TM4SF1: variants seen among roughly 807,000 people sequenced by gnomAD.
The protein encoded by TM4SF1 is transmembrane 4 L six family member 1.
In TM4SF1, 20 loss-of-function variants were observed where a neutral mutation model predicts 24.5. That is an observed-to-expected ratio of 0.82 (90% confidence interval 0.57 to 1.19). The LOEUF (loss-of-function observed/expected upper bound fraction) is 1.19. Among genes scored for constraint, TM4SF1 ranks in the 50% most tolerant of loss-of-function variants. TM4SF1 has a pLI of 0.00. For missense variants in TM4SF1, 258 were observed against 248.1 expected (o/e 1.04, Z -0.27); for synonymous variants, 107 against 95.4 (o/e 1.12, Z -0.71).
rs1401251481 is a variant in TM4SF1, at chr3:149,375,333, C to A, written c.413+110G>T. 5.0e-6 allele frequency: 7 copies of A among 1,388,920 alleles called. No individual in the cohort carries two copies. The African/African-American group carries it at 8.5e-5, about 17-fold the overall frequency. 86.0% of individuals were successfully genotyped at this position (1,388,920 alleles called of 1,614,324 possible). ...CTGAGTCAGTGAGAATAAACACTGG[C>A]TAGGTGGGTGGATGGATGGATAAGT... On this transcript the variant is annotated intron_variant, in intron 3 of 4. Transcript: ENST00000305366.
chr3:149,370,864 T>C (rs1040047261), intron 4 of TM4SF1: 2 of 152,102 alleles, frequency 1.3e-5, no homozygotes, highest in Non-Finnish European at 2.9e-5. Flanking sequence ...GAGTAAATGG[T>C]TTGAAAAATA....
At chr3:149,370,937 A>G (rs1021989648) in intron 4 of TM4SF1, 14 of 152,186 alleles carry the variant, frequency 9.2e-5, no homozygotes, top group African/African-American at 2.9e-4. Context: ...ATTCAATAAT[A>G]TATATATTTT....
At position 149,375,693 on chromosome 3, in the gene TM4SF1, CCA is replaced by C. The variant is rs1443968832; in HGVS notation, c.252_253del (p.Cys84TrpfsTer39). On this transcript the variant is annotated frameshift_variant, in exon 2 of 5. Transcript: ENST00000305366. LOFTEE classifies it high-confidence loss of function. Reference sequence around the variant, plus strand: ...AGGAGGACCTACCGCACATCGTTTGCCACAGTTTTCATGGCCACAGCAGCCAC... The same window carrying C: ...AGGAGGACCTACCGCACATCGTTTGCCAGTTTTCATGGCCACAGCAGCCAC... 2 of 1,614,208 alleles carry C rather than the reference CCA, an allele frequency of 1.2e-6. No homozygotes were observed.
rs989438148 is a variant in TM4SF1, at chr3:149,377,220, G to A, written c.177+151C>T. On this transcript the variant is annotated intron_variant, in intron 1 of 4. Transcript: ENST00000305366. The stretch of plus-strand genomic sequence containing the variant: ...TACTACGCTATACTGTACCAATCTC[G>A]CTTTTGTATAATCTGCTTTCAAAGG... The A allele has an allele frequency of 8.9e-6, 9 of 1,013,040 alleles. 1 individual carries two copies. Among genetic ancestry groups the A allele is most frequent in the South Asian group, 3.5e-5 (2 of 57,088 alleles). The allele number at this position is 1,013,040 out of a possible 1,614,324, so 62.8% of individuals were successfully genotyped here.
chr3:149,377,330 G>A, intron 1 of TM4SF1, 41 bp downstream of exon 1: 1 of 1,568,308 alleles, frequency 6.4e-7, no homozygotes, highest in South Asian at 1.2e-5. Context: ...AAAACATCTA[G>A]GAAACAGGAG....
chr3:149,374,620 G>C (rs983122638), intron 3 of TM4SF1, among the ~76,000 whole-genome samples: 3 of 152,050 alleles, frequency 2.0e-5, no homozygotes, highest in Non-Finnish European at 2.9e-5. Context: ...AAATTATCCT[G>C]ATATTATGAT....
In TM4SF1 at chr3:149,373,647, G is replaced by A. The variant is rs73867310; in HGVS notation, c.414-1780C>T. On this transcript the variant is annotated intron_variant, in intron 3 of 4. Coordinates refer to ENST00000305366, the MANE Select transcript of TM4SF1 (RefSeq NM_014220.3). ...AAAATCTATATTTTCAGGTCTCAAT[G>A]TAAAAAAAAATTTTTGGCTCCACCT... Among the ~76,000 whole-genome samples the A allele has an allele frequency of 3.0e-3, 462 of 152,244 alleles. 3 individuals carry two copies. Among genetic ancestry groups the A allele is most frequent in the African/African-American group, 0.01 (434 of 41,538 alleles).
Position 149,372,313 on chromosome 3 carries a change from CTG to C in TM4SF1, c.414-448_414-447del, listed in dbSNP as rs1226303757. ...GAGTATGTGTAGGTGTTTTTTAAAA[CTG>C]TTTTCCAATTTTATTGTTGTTATTG... On this transcript the variant is annotated intron_variant, in intron 3 of 4. Transcript: ENST00000305366. Among the ~76,000 whole-genome samples, 3 of 152,066 alleles carry C rather than the reference CTG, an allele frequency of 2.0e-5. No homozygotes were observed. The East Asian group carries it at 5.8e-4, about 29-fold the overall frequency.
chr3:149,373,295 G>A (rs1457071752), intron 3 of TM4SF1, among the ~76,000 whole-genome samples: 1 of 152,194 alleles, frequency 6.6e-6, no homozygotes, highest in Admixed American at 6.5e-5. Flanking sequence ...GGATTTAGTC[G>A]ATTTTATAAA....
rs572146914 is a variant in TM4SF1 at position 149,377,229 on chromosome 3, T to C, written c.177+142A>G. On this transcript the variant is annotated intron_variant, in intron 1 of 4. Coordinates refer to ENST00000305366, the MANE Select transcript of TM4SF1 (RefSeq NM_014220.3). ...ATACTGTACCAATCTCGCTTTTGTA[T>C]AATCTGCTTTCAAAGGAATGAACAG... is the stretch of plus-strand genomic sequence containing the variant. The C allele has an allele frequency of 2.8e-6, 3 of 1,077,740 alleles. No individual in the cohort carries two copies. The East Asian group carries it at 7.8e-5, about 28-fold the overall frequency. The allele number at this position is 1,077,740 out of a possible 1,614,324, so 66.8% of individuals were successfully genotyped here.
In TM4SF1 at chr3:149,375,731, C is replaced by T. The variant is rs1433546713; in HGVS notation, c.216G>A (p.Gln72=). 1 of 1,614,184 alleles carries T rather than the reference C, an allele frequency of 6.2e-7. No individual in the cohort carries two copies. Among genetic ancestry groups the T allele is most frequent in the East Asian group, 2.2e-5 (1 of 44,888 alleles). ...GGCCACAGCAGCCACAGCAGTCATC[C>T]TGTTCCAGCCCAATGAAGACAAATG... is the stretch of plus-strand genomic sequence containing the variant. ...LPAFVFIGLE[Q]DDCCGCCGHE... The change falls in exon 2 of 5, where the codon CAG becomes CAA. Residue 72 remains glutamine (Q), a synonymous_variant. Transcript: ENST00000305366.
rs1054197336 is a variant in TM4SF1 at position 149,369,779 on chromosome 3, T to A, written c.*87A>T. On this transcript the variant is annotated 3_prime_UTR_variant, in exon 5 of 5. Coordinates refer to ENST00000305366, the MANE Select transcript of TM4SF1 (RefSeq NM_014220.3). The stretch of plus-strand genomic sequence containing the variant: ...GACTGTGGGGAGTATGTTACACTAA[T>A]ACAAAGTTTTACAAATGAATACAAG... 12 of 1,564,708 alleles carry A rather than the reference T, an allele frequency of 7.7e-6. No homozygotes were observed. Among genetic ancestry groups the A allele is most frequent in the African/African-American group, 1.4e-5 (1 of 73,228 alleles).
At chr3:149,375,796 T>C (rs1386234396) in intron 1 of TM4SF1, 27 bp from the exon 2 acceptor site, 1 of 1,611,678 alleles carries the variant, frequency 6.2e-7, no homozygotes, top group South Asian at 1.1e-5. Context: ...CAAAGTCAGG[T>C]CATTGTCTTG....
intron 4 of TM4SF1, 185 bp from the exon 5 acceptor site, chr3:149,370,065 T>C (rs1215389836): frequency 3.3e-6 from 2 of 611,268 alleles, no homozygotes; most frequent in Non-Finnish European, 5.3e-6. Flanking sequence ...CCCAGATCCC[T>C]TGTCTTCCAT....
At chr3:149,373,201 C>G (rs1462282941) in intron 3 of TM4SF1, among the ~76,000 whole-genome samples, 1 of 152,160 alleles carries the variant, frequency 6.6e-6, no homozygotes, top group African/African-American at 2.4e-5. Context: ...ATTTTAAAAG[C>G]AGTTGAATGA....
chr3:149,375,714 C>T lies in TM4SF1; in HGVS notation c.233G>A (p.Cys78Tyr), dbSNP rs1731934520. Residue 78 changes from cysteine to tyrosine, a missense_variant, in exon 2 of 5, where the codon TGC becomes TAC. By Grantham distance (194) the Cys-to-Tyr change is radical. Transcript: ENST00000305366. ...TTTGCCACAGTTTTCATGGCCACAG[C>T]AGCCACAGCAGTCATCCTGTTCCAG... ...IGLEQDDCCG[C>Y]CGHENCGKRC... 2 of 1,614,116 alleles carry T rather than the reference C, an allele frequency of 1.2e-6. No individual in the cohort carries two copies. The highest frequency in any genetic ancestry group is 2.7e-5 in the African/African-American group (2 of 74,944).
At position 149,369,460 on chromosome 3, in the gene TM4SF1, C is replaced by T. The variant is rs749880628; in HGVS notation, c.*406G>A. On this transcript the variant is annotated 3_prime_UTR_variant, in exon 5 of 5. Coordinates refer to ENST00000305366, the MANE Select transcript of TM4SF1 (RefSeq NM_014220.3). Reference sequence around the variant, plus strand: ...GAAAACAAAAATCTTTCCAGGTTGTCGGATTTTCTCCTTCTTGGTCTTATA... The same window carrying T: ...GAAAACAAAAATCTTTCCAGGTTGTTGGATTTTCTCCTTCTTGGTCTTATA... 2.8e-4 allele frequency: 45 copies of T among 160,244 alleles called. No homozygotes were observed. Among genetic ancestry groups the T allele is most frequent in the Non-Finnish European group, 4.2e-4 (31 of 74,030 alleles). 9.9% of individuals were successfully genotyped at this position (160,244 alleles called of 1,614,324 possible).
intron 3 of TM4SF1, among the ~76,000 whole-genome samples, chr3:149,373,657 A>T (rs1038883151): frequency 2.6e-5 from 4 of 152,154 alleles, no homozygotes; most frequent in African/African-American, 4.8e-5. Flanking sequence ...GTAAAAAAAA[A>T]TTTTTGGCTC....
intron 1 of TM4SF1, among the ~76,000 whole-genome samples, chr3:149,376,133 G>T (rs1253418567): frequency 6.6e-6 from 1 of 152,148 alleles, no homozygotes; most frequent in Non-Finnish European, 1.5e-5. Flanking sequence ...CTTGTAAAAT[G>T]CAGAATATAC....
Sources: gnomAD v4.1 joint callset for allele counts (sites outside exome capture counted in the v4.1 genomes callset) on GRCh38, gnomAD v4.1.1 for gene constraint, MANE v1.5 for transcripts, NCBI Gene and HGNC (gene_info 2026-07-23, HGNC 2026-07-21) for gene names.